SERPINE2: variants seen among roughly 807,000 people sequenced by gnomAD.
SERPINE2 encodes serpin family E member 2, also known as glia-derived nexin.
In SERPINE2, 14 loss-of-function variants were observed where a neutral mutation model predicts 36.3. The observed-to-expected ratio is 0.39, with a 90% CI of 0.25 to 0.60. The LOEUF (loss-of-function observed/expected upper bound fraction) is 0.60. SERPINE2 is among the 20% of genes least tolerant of loss of function. SERPINE2 has a pLI of 0.57. For synonymous variants in SERPINE2, 192 were observed against 191.8 expected (o/e 1.00, Z -0.01); for missense variants, 418 against 499.6 (o/e 0.84, Z 1.56).
At chr2:224,018,986 C>T (rs1438829) in intron 1 of SERPINE2, among the ~76,000 whole-genome samples, 143,827 of 152,260 alleles carry the variant, frequency 0.94, 68,285 homozygotes, top group Non-Finnish European at 0.99. Flanking sequence ...ATGACTTCTC[C>T]ATGCTCTTGC....
At chr2:223,997,091 TA>T (rs1690919257) in intron 3 of SERPINE2, among the ~76,000 whole-genome samples, 2 of 151,886 alleles carry the variant, frequency 1.3e-5, no homozygotes, top group South Asian at 4.2e-4. Context: ...AAATTAAAAA[TA>T]AAAAAAAGGT....
chr2:223,981,998 T>C (rs1690242836), intron 6 of SERPINE2: 1 of 152,044 alleles, frequency 6.6e-6, no homozygotes, highest in African/African-American at 2.4e-5. Context: ...AAGCAATACA[T>C]GAAATACTCC....
intron 1 of SERPINE2, among the ~76,000 whole-genome samples, chr2:224,008,304 T>C (rs149012098): frequency 5.4e-4 from 83 of 152,328 alleles, no homozygotes; most frequent in African/African-American, 1.9e-3. Flanking sequence ...CCTCCCTCAC[T>C]TATTAATTAG....
intron 1 of SERPINE2, among the ~76,000 whole-genome samples, chr2:224,028,461 G>A (rs1266095995): frequency 6.6e-6 from 1 of 152,168 alleles, no homozygotes; most frequent in African/African-American, 2.4e-5. Context: ...GCAATGCTCT[G>A]ACCTTCAATC....
chr2:224,001,989 T>G, intron 1 of SERPINE2, 67 bp from the exon 2 acceptor site: 1 of 1,360,342 alleles, frequency 7.4e-7, no homozygotes, highest in Non-Finnish European at 9.7e-7. Context: ...TTTTTTTTTT[T>G]TCCCCCAGAT....
chr2:224,026,316 C>G (rs2106197082), intron 1 of SERPINE2, among the ~76,000 whole-genome samples: 1 of 152,326 alleles, frequency 6.6e-6, no homozygotes, highest in Middle Eastern at 3.4e-3. Flanking sequence ...ACTAGCACTA[C>G]CTTAACTAAT....
At chr2:224,023,605 A>G (rs946440578) in intron 1 of SERPINE2, among the ~76,000 whole-genome samples, 7 of 152,250 alleles carry the variant, frequency 4.6e-5, no homozygotes, top group Admixed American at 6.5e-5. Flanking sequence ...GCAGTTCAGA[A>G]ACTTTTAAAA....
chr2:223,977,596 G>C lies in SERPINE2; in HGVS notation c.1104C>G (p.Pro368=). 1 of 1,613,558 alleles carries C rather than the reference G, an allele frequency of 6.2e-7. No homozygotes were observed. Residue 368 remains proline, a synonymous_variant, in exon 8 of 9, where the codon CCC becomes CCG. Transcript: ENST00000409304. ...GAAAAGGTCTGTCTACTATAAACCA[G>C]GGAGGCGATGATCTTGCAATGAGAA... is the stretch of plus-strand genomic sequence containing the variant. ...TAILIARSSP[P]WFIVDRPFLF...
At chr2:224,015,345 G>A (rs1349867294) in intron 1 of SERPINE2, among the ~76,000 whole-genome samples, 1 of 152,198 alleles carries the variant, frequency 6.6e-6, no homozygotes. Flanking sequence ...AGAGGCAGTG[G>A]CCAGGGAAGT....
chr2:224,000,344 G>A (rs1482086678), intron 2 of SERPINE2, among the ~76,000 whole-genome samples: 1 of 152,188 alleles, frequency 6.6e-6, no homozygotes, highest in Admixed American at 6.5e-5. Flanking sequence ...CAGCAGGTGG[G>A]ACATGGCTCT....
chr2:224,038,502 A>T (rs1203020488), intron 1 of SERPINE2: 1 of 1,551,656 alleles, frequency 6.4e-7, no homozygotes, highest in South Asian at 1.2e-5. Flanking sequence ...GCAGTCACTC[A>T]TCCGCCTCGC....
intron 1 of SERPINE2, among the ~76,000 whole-genome samples, chr2:224,019,750 C>CTTTTATT (rs1553549393): frequency 0.038 from 2,201 of 58,228 alleles, 57 homozygotes; most frequent in African/African-American, 0.11. Context: ...TTGAGGAAGT[C>CTTTTATT]TTTTTTTTTT....
rs201696767 is a variant in SERPINE2, at chr2:224,002,037, T to C, written c.-22-115A>G. ...TTTCACCCAGGCTGGAGTGAAGTGG[T>C]GCCATCTCAGCTCACTGCAACCTCC... On this transcript the variant is annotated intron_variant, in intron 1 of 8. Coordinates refer to ENST00000409304, the MANE Select transcript of SERPINE2 (RefSeq NM_001136528.2). The C allele has an allele frequency of 2.0e-4, 198 of 990,172 alleles. 2 individuals are homozygous for C. In the East Asian group the frequency reaches 5.2e-3, roughly 26 times the overall value. The allele number at this position is 990,172 out of a possible 1,614,324, so 61.3% of individuals were successfully genotyped here. A position where few individuals can be genotyped will look rare whatever the true frequency, so the allele number is the denominator to read the frequency against.
chr2:224,025,163 CCCA>C (rs1024662268), intron 1 of SERPINE2, among the ~76,000 whole-genome samples: 4 of 152,248 alleles, frequency 2.6e-5, no homozygotes, highest in African/African-American at 7.2e-5. Flanking sequence ...CACGGGGGTA[CCCA>C]CCACAAGACT....
chr2:224,032,867 AAG>A (rs1195074020), intron 1 of SERPINE2, among the ~76,000 whole-genome samples: 3 of 152,244 alleles, frequency 2.0e-5, no homozygotes, highest in Non-Finnish European at 4.4e-5. Flanking sequence ...CATGCACAGA[AAG>A]AATCCCAGAA....
At chr2:223,986,898 A>C (rs749174665) in intron 4 of SERPINE2, among the ~76,000 whole-genome samples, 8 of 152,158 alleles carry the variant, frequency 5.3e-5, no homozygotes, top group Non-Finnish European at 7.3e-5. Context: ...GACCAGTGGT[A>C]GCCAGGGTGC....
intron 1 of SERPINE2, among the ~76,000 whole-genome samples, chr2:224,015,258 C>A (rs937711233): frequency 1.3e-5 from 2 of 152,168 alleles, no homozygotes; most frequent in African/African-American, 4.8e-5. Context: ...TTCATTTTCA[C>A]GTATTTACTT....
rs1284828657 is a variant in SERPINE2, at chr2:224,039,124, G to A, written c.-48C>T. 1 of 151,004 alleles carries A rather than the reference G, an allele frequency of 6.6e-6. No individual in the cohort carries two copies. Among genetic ancestry groups the A allele is most frequent in the Non-Finnish European group, 1.5e-5 (1 of 67,590 alleles). The allele number at this position is 151,004 out of a possible 1,614,324, so 9.4% of individuals were successfully genotyped here. On this transcript the variant is annotated 5_prime_UTR_variant, in exon 1 of 9. Transcript: ENST00000409304. The surrounding 1 kb of genome is among the most constrained non-coding windows in gnomAD (Gnocchi z 5.2). ...CGCGCTCGCTGGATCCCCAGGGGGCGGCCGCGGAGGGCGGTGCGGCCGCAA... is the reference window on the plus strand; with the variant it reads ...CGCGCTCGCTGGATCCCCAGGGGGCAGCCGCGGAGGGCGGTGCGGCCGCAA...
chr2:223,995,600 G>A (rs1286906056), intron 3 of SERPINE2, among the ~76,000 whole-genome samples: 1 of 151,646 alleles, frequency 6.6e-6, no homozygotes, highest in East Asian at 1.9e-4. Context: ...AACACAGGGT[G>A]TTTTGGGTTT....
Sources: gnomAD v4.1 joint callset for allele counts (sites outside exome capture counted in the v4.1 genomes callset) on GRCh38, gnomAD v4.1.1 for gene constraint, Gnocchi (gnomAD v3.1) non-coding constraint, MANE v1.5 for transcripts, NCBI Gene and HGNC (gene_info 2026-07-23, HGNC 2026-07-21) for gene names.